CNTNAP2: variants seen among roughly 807,000 people sequenced by gnomAD.
The protein encoded by CNTNAP2 is contactin-associated protein-like 2.
A neutral mutation model predicts 155.2 loss-of-function variants in CNTNAP2; 98 were observed. That is an observed-to-expected ratio of 0.63 (90% CI 0.54 to 0.75). The LOEUF (loss-of-function observed/expected upper bound fraction) is 0.75. CNTNAP2 is among the 30% of genes least tolerant of loss of function. CNTNAP2 has a pLI of 0.00. For synonymous variants in CNTNAP2, 651 were observed against 631.2 expected (o/e 1.03, Z -0.47); for missense variants, 1,727 against 1,688.1 (o/e 1.02, Z -0.40).
At chr7:147,495,169 G>A (rs1042435566) in intron 11 of CNTNAP2, among the ~76,000 whole-genome samples, 2 of 152,150 alleles carry the variant, frequency 1.3e-5, no homozygotes, top group Non-Finnish European at 2.9e-5. Flanking sequence ...AAGTGTGTAT[G>A]ATATGAGAGA....
chr7:146,986,129 T>G (rs1166801397), intron 3 of CNTNAP2, among the ~76,000 whole-genome samples: 1 of 152,156 alleles, frequency 6.6e-6, no homozygotes, highest in Non-Finnish European at 1.5e-5. Flanking sequence ...GTACTCAATA[T>G]GTCGTCTTTT....
At chr7:147,091,448 C>A (rs2129273161) in intron 4 of CNTNAP2, among the ~76,000 whole-genome samples, 1 of 152,044 alleles carries the variant, frequency 6.6e-6, no homozygotes, top group Non-Finnish European at 1.5e-5. Context: ...CAACCATATA[C>A]TTTTTTCTTT....
At chr7:147,852,870 A>G (rs188360245) in intron 13 of CNTNAP2, among the ~76,000 whole-genome samples, 11 of 152,302 alleles carry the variant, frequency 7.2e-5, no homozygotes, top group African/African-American at 2.2e-4. Context: ...TTGTAAGACT[A>G]TGGATCTGCT....
intron 8 of CNTNAP2, among the ~76,000 whole-genome samples, chr7:147,206,992 A>G (rs989789559): frequency 6.6e-6 from 1 of 152,184 alleles, no homozygotes; most frequent in African/African-American, 2.4e-5. Flanking sequence ...GAAGTTACAG[A>G]AAACTGTTAC....
At chr7:147,492,392 C>G (rs952591035) in intron 11 of CNTNAP2, among the ~76,000 whole-genome samples, 3 of 152,188 alleles carry the variant, frequency 2.0e-5, no homozygotes, top group African/African-American at 7.2e-5. Context: ...AATTACTATA[C>G]TGGCTAACTA....
In CNTNAP2 at chr7:146,492,062, G is replaced by T. The variant is rs56776378; in HGVS notation, c.98-282209G>T. ...CTCTGATTTTCTATAATTAAGAAAC[G>T]CAATGTCTCTAGAAAGATGGTGATT... On this transcript the variant is annotated intron_variant, in intron 1 of 23. Coordinates refer to ENST00000361727, the MANE Select transcript of CNTNAP2 (RefSeq NM_014141.6). Among the ~76,000 whole-genome samples the T allele has an allele frequency of 8.0e-3, 1,218 of 152,178 alleles. 22 individuals carry two copies. Among genetic ancestry groups the T allele is most frequent in the African/African-American group, 0.028 (1,165 of 41,530 alleles).
At chr7:147,923,626 G>T (rs62474783) in intron 14 of CNTNAP2, among the ~76,000 whole-genome samples, 30,041 of 151,210 alleles carry the variant, frequency 0.2, 3,640 homozygotes, top group Middle Eastern at 0.34. Context: ...CAATCTTCTT[G>T]CCTCAGCCTC....
chr7:146,498,746 T>C (rs1797256532), intron 1 of CNTNAP2, among the ~76,000 whole-genome samples: 1 of 152,030 alleles, frequency 6.6e-6, no homozygotes, highest in South Asian at 2.1e-4. Context: ...GTCATGTTCC[T>C]TACTTTCTGG....
intron 3 of CNTNAP2, among the ~76,000 whole-genome samples, chr7:146,900,873 A>G (rs1795978033): frequency 6.6e-6 from 1 of 152,184 alleles, no homozygotes; most frequent in Non-Finnish European, 1.5e-5. Flanking sequence ...TTCACTGCTT[A>G]GCATAATTCC....
intron 3 of CNTNAP2, among the ~76,000 whole-genome samples, chr7:146,848,863 C>T (rs1794815159): frequency 6.6e-6 from 1 of 152,136 alleles, no homozygotes. Context: ...ACCTCTGCCT[C>T]CCAAGTTCAA....
At position 146,931,107 on chromosome 7, in the gene CNTNAP2, C is replaced by T. The variant is rs544334209; in HGVS notation, c.402+91203C>T. ...GGACCTAATAGACATCTACAGAACT[C>T]TCCACCCCAAATCAACAGAATATAC... On this transcript the variant is annotated intron_variant, in intron 3 of 23. Transcript: ENST00000361727. 3.0e-4 allele frequency among the ~76,000 whole-genome samples: 46 copies of T among 151,444 alleles called. No homozygotes were observed. In the East Asian group the frequency reaches 8.1e-3, roughly 27 times the overall value.
intron 11 of CNTNAP2, among the ~76,000 whole-genome samples, chr7:147,560,914 A>T (rs1378470673): frequency 6.6e-6 from 1 of 151,270 alleles, no homozygotes; most frequent in Non-Finnish European, 1.5e-5. Context: ...GAGGAAGGTT[A>T]AAAAAGGGAG....
chr7:146,661,067 G>A (rs1800078963), intron 1 of CNTNAP2, among the ~76,000 whole-genome samples: 2 of 152,130 alleles, frequency 1.3e-5, no homozygotes, highest in South Asian at 2.1e-4. Context: ...ATATTCACAC[G>A]GTGCTGAGGT....
At chr7:147,729,837 C>G (rs1188925621) in intron 13 of CNTNAP2, among the ~76,000 whole-genome samples, 1 of 152,034 alleles carries the variant, frequency 6.6e-6, no homozygotes, top group East Asian at 1.9e-4. Flanking sequence ...CATTATAGAA[C>G]ATGACTTTTA....
chr7:147,101,882 T>A (rs1473184649), intron 4 of CNTNAP2, among the ~76,000 whole-genome samples: 1 of 152,132 alleles, frequency 6.6e-6, no homozygotes, highest in Non-Finnish European at 1.5e-5. Context: ...CCAGGGTGGT[T>A]TTGAAAGAAG....
chr7:148,105,593 T>A (rs1204377361), intron 15 of CNTNAP2, among the ~76,000 whole-genome samples: 1 of 151,916 alleles, frequency 6.6e-6, no homozygotes, highest in Non-Finnish European at 1.5e-5. Flanking sequence ...TTATTTTTTT[T>A]TTTTATTTTT....
intron 15 of CNTNAP2, among the ~76,000 whole-genome samples, chr7:148,045,736 G>A (rs894804810): frequency 4.6e-5 from 7 of 152,172 alleles, no homozygotes; most frequent in South Asian, 2.1e-4. Context: ...CAGGGACTGC[G>A]AAGAATGGGA....
intron 20 of CNTNAP2, among the ~76,000 whole-genome samples, chr7:148,246,224 A>G (rs1415311537): frequency 1.3e-5 from 2 of 152,226 alleles, no homozygotes; most frequent in African/African-American, 4.8e-5. Flanking sequence ...CCTACTGGTA[A>G]AGTAATATCA....
chr7:147,908,307 C>T (rs914883969), intron 14 of CNTNAP2, among the ~76,000 whole-genome samples: 3 of 152,130 alleles, frequency 2.0e-5, no homozygotes, highest in African/African-American at 4.8e-5. Context: ...GGGAGACGTG[C>T]GAAAGCCAGG....
Sources: gnomAD v4.1 joint callset for allele counts (sites outside exome capture counted in the v4.1 genomes callset) on GRCh38, gnomAD v4.1.1 for gene constraint, MANE v1.5 for transcripts, NCBI Gene and HGNC (gene_info 2026-07-23, HGNC 2026-07-21) for gene names.